UNC79: variants seen among roughly 807,000 people sequenced by gnomAD.
The protein encoded by UNC79 is unc-79 subunit of NALCN channel complex.
UNC79 carries 37 observed loss-of-function variants against 283.1 expected under a neutral mutation model. The ratio of observed to expected loss-of-function variants is 0.13; its 90% CI spans 0.10 to 0.17. The LOEUF (loss-of-function observed/expected upper bound fraction) is 0.17, where lower values mean the gene tolerates loss of function less well. UNC79 is among the 10% of genes least tolerant of loss of function. The pLI, the probability that UNC79 is intolerant of heterozygous loss-of-function variation, is 1.00. For missense variants in UNC79, 2,272 were observed against 3,211.1 expected, an observed-to-expected ratio of 0.71 and a Z score of 7.07; for synonymous variants, 1,107 against 1,200.2, an observed-to-expected ratio of 0.92 and a Z score of 1.61.
At chr14:93,353,718 T>C (rs1452891665) in intron 1 of UNC79, among the ~76,000 whole-genome samples, 1 of 152,244 alleles carries the variant, frequency 6.6e-6, no homozygotes, top group Non-Finnish European at 1.5e-5. Context: ...CTCTTCTTCC[T>C]GTGCATTGAG....
chr14:93,530,799 C>T (rs2060782564), intron 10 of UNC79, among the ~76,000 whole-genome samples: 1 of 152,068 alleles, frequency 6.6e-6, no homozygotes, highest in African/African-American at 2.4e-5. Context: ...GTCCCAGCTA[C>T]TCGGGAGGCT....
intron 26 of UNC79, among the ~76,000 whole-genome samples, chr14:93,612,114 G>C (rs958847081): frequency 3.9e-5 from 6 of 152,194 alleles, no homozygotes; most frequent in African/African-American, 1.4e-4. Flanking sequence ...TCACCTTCAT[G>C]TGGTGTTTTT....
At chr14:93,466,984 GA>G in intron 1 of UNC79, 1 of 863,486 alleles carries the variant, frequency 1.2e-6, no homozygotes, top group Non-Finnish European at 1.4e-6. Flanking sequence ...AAGCTATTAG[GA>G]AGTCTCCTAA....
At chr14:93,658,410 GA>G in intron 38 of UNC79, among the ~76,000 whole-genome samples, 1 of 152,116 alleles carries the variant, frequency 6.6e-6, no homozygotes, top group Non-Finnish European at 1.5e-5. Context: ...ATTCCACTTG[GA>G]AAACTCCTGC....
intron 1 of UNC79, among the ~76,000 whole-genome samples, chr14:93,372,797 ACAC>A (rs2054479944): frequency 6.6e-6 from 1 of 152,234 alleles, no homozygotes; most frequent in Admixed American, 6.5e-5. Flanking sequence ...GAACTCAACA[ACAC>A]CATCAATCAA....
At chr14:93,446,937 C>A (rs563282281) in intron 1 of UNC79, among the ~76,000 whole-genome samples, 1 of 152,068 alleles carries the variant, frequency 6.6e-6, no homozygotes, top group Non-Finnish European at 1.5e-5. Flanking sequence ...TACGCATTTG[C>A]GGATTTTTGT....
intron 1 of UNC79, among the ~76,000 whole-genome samples, chr14:93,395,730 C>T (rs1219625810): frequency 6.6e-6 from 1 of 152,114 alleles, no homozygotes; most frequent in Non-Finnish European, 1.5e-5. Context: ...TGTCATCCCA[C>T]CATTTCTGGT....
At chr14:93,465,855 C>A (rs2140248645) in intron 1 of UNC79, among the ~76,000 whole-genome samples, 1 of 152,226 alleles carries the variant, frequency 6.6e-6, no homozygotes, top group South Asian at 2.1e-4. Flanking sequence ...CACAGTAATG[C>A]TTCATTACTG....
intron 26 of UNC79, 81 bp from the exon 27 acceptor site, chr14:93,604,815 A>G: frequency 1.5e-6 from 2 of 1,359,204 alleles, no homozygotes; most frequent in South Asian, 3.6e-5. Context: ...CTACTATCCC[A>G]TAAAGTTAGC....
At chr14:93,454,385 C>G (rs2056737278) in intron 1 of UNC79, among the ~76,000 whole-genome samples, 1 of 152,052 alleles carries the variant, frequency 6.6e-6, no homozygotes, top group Non-Finnish European at 1.5e-5. Flanking sequence ...CTTACTAATT[C>G]ATGTATGAAA....
exon 39 of UNC79, chr14:93,659,253 G>C: frequency 6.2e-7 from 1 of 1,610,244 alleles, no homozygotes; most frequent in Non-Finnish European, 8.5e-7. Context: ...TTCTACCAAT[G>C]CTACAAGGGT....
chr14:93,576,294 G>A (rs1266686353), intron 17 of UNC79, among the ~76,000 whole-genome samples: 1 of 152,132 alleles, frequency 6.6e-6, no homozygotes, highest in Admixed American at 6.5e-5. Context: ...GGTGTTTGAA[G>A]AGCTTTGTGG....
intron 1 of UNC79, among the ~76,000 whole-genome samples, chr14:93,414,059 T>C (rs917148906): frequency 2.6e-5 from 4 of 152,188 alleles, no homozygotes; most frequent in African/African-American, 9.6e-5. Context: ...ATTTTGGCTT[T>C]TGTTGCCATT....
chr14:93,439,043 G>T (rs1212890560), intron 1 of UNC79, among the ~76,000 whole-genome samples: 1 of 151,854 alleles, frequency 6.6e-6, no homozygotes, highest in Non-Finnish European at 1.5e-5. Context: ...TTGAGTTTTT[G>T]TATGCTGATT....
At chr14:93,376,936 C>G (rs2054571960) in intron 1 of UNC79, among the ~76,000 whole-genome samples, 1 of 149,196 alleles carries the variant, frequency 6.7e-6, no homozygotes, top group Non-Finnish European at 1.5e-5. Context: ...CATGCACTCA[C>G]CTATGTACAT....
At chr14:93,669,582 G>T (rs1409767141) in intron 40 of UNC79, among the ~76,000 whole-genome samples, 3 of 152,208 alleles carry the variant, frequency 2.0e-5, no homozygotes. Context: ...ACACAGCTCA[G>T]TGTCAAGCCC....
intron 1 of UNC79, among the ~76,000 whole-genome samples, chr14:93,342,841 G>C (rs2053742113): frequency 6.6e-6 from 1 of 152,180 alleles, no homozygotes; most frequent in Non-Finnish European, 1.5e-5. Context: ...CTAGGACAGG[G>C]GCAAAATGCT....
chr14:93,363,646 C>T (rs570390596), intron 1 of UNC79, among the ~76,000 whole-genome samples: 3 of 152,186 alleles, frequency 2.0e-5, no homozygotes, highest in Admixed American at 2.0e-4. Context: ...CTGGGTGCTC[C>T]AGTGTTGGGT....
intron 40 of UNC79, among the ~76,000 whole-genome samples, chr14:93,664,079 T>C (rs1430328994): frequency 6.6e-6 from 1 of 152,192 alleles, no homozygotes; most frequent in African/African-American, 2.4e-5. Context: ...TTTCTCATTC[T>C]AATACAAGAT....
Sources: gnomAD v4.1 joint callset for allele counts (sites outside exome capture counted in the v4.1 genomes callset) on GRCh38, gnomAD v4.1.1 for gene constraint, MANE v1.5 for transcripts, NCBI Gene and HGNC (gene_info 2026-07-23, HGNC 2026-07-21) for gene names.